Variants in SGCZ observed in about 807,000 individuals in gnomAD.
The protein encoded by SGCZ is sarcoglycan zeta.
SGCZ carries 40 observed loss-of-function variants against 41.3 expected under a neutral mutation model. The ratio of observed to expected loss-of-function variants is 0.97; its 90% CI spans 0.75 to 1.26. The LOEUF is 1.26. Ranked by LOEUF, SGCZ falls within the 50% of genes most tolerant of loss-of-function variation. The pLI is 0.00. For synonymous variants in SGCZ, 206 were observed against 137.5 expected, an observed-to-expected ratio of 1.50 and a Z score of -3.49; for missense variants, 552 against 369.8, an observed-to-expected ratio of 1.49 and a Z score of -4.04.
At chr8:14,739,565 A>T (rs1799139521) in intron 1 of SGCZ, among the ~76,000 whole-genome samples, 1 of 152,084 alleles carries the variant, frequency 6.6e-6, no homozygotes, top group African/African-American at 2.4e-5. Flanking sequence ...AAGCAAAATT[A>T]TTTATGGTCT....
At chr8:14,999,663 T>TCAG (rs577057664) in intron 1 of SGCZ, among the ~76,000 whole-genome samples, 218 of 152,210 alleles carry the variant, frequency 1.4e-3, no homozygotes, top group African/African-American at 5.1e-3. Context: ...ACAGTCTCTG[T>TCAG]CAGCACATCA....
chr8:14,293,842 T>G (rs1800924684), intron 3 of SGCZ, among the ~76,000 whole-genome samples: 1 of 151,882 alleles, frequency 6.6e-6, no homozygotes, highest in Non-Finnish European at 1.5e-5. Flanking sequence ...CTTTAGAAGA[T>G]CAAAGTAGTA....
chr8:14,921,047 C>A (rs797002452), intron 1 of SGCZ, among the ~76,000 whole-genome samples: 1 of 152,110 alleles, frequency 6.6e-6, no homozygotes, highest in African/African-American at 2.4e-5. Flanking sequence ...GTAAAAAGGT[C>A]CAACCCTTTT....
intron 2 of SGCZ, among the ~76,000 whole-genome samples, chr8:14,326,273 G>C (rs932844316): frequency 6.6e-6 from 1 of 151,974 alleles, no homozygotes; most frequent in African/African-American, 2.4e-5. Context: ...CAGGGATGTT[G>C]TGATCAGTAT....
At chr8:14,493,435 C>T (rs575235700) in intron 2 of SGCZ, among the ~76,000 whole-genome samples, 93 of 127,496 alleles carry the variant, frequency 7.3e-4, no homozygotes, top group African/African-American at 2.7e-3. Context: ...GGCATGATCT[C>T]GGCTCACAGC....
At chr8:15,195,971 C>T (rs550990091) in intron 1 of SGCZ, among the ~76,000 whole-genome samples, 2 of 125,392 alleles carry the variant, frequency 1.6e-5, no homozygotes, top group South Asian at 2.6e-4. Flanking sequence ...GATCTTGGCT[C>T]ACTGCAAGCT....
rs550319628 is a variant in SGCZ, at chr8:14,108,198, C to T, written c.585G>A (p.Thr195=). ...EGAVFGHSVE[T]PHIRAEPSQD... ...GGGATGGCTCTGCTCTGATGTGCGGCGTCTCCACAGAGTGCCCAAATACGG... is the reference window on the plus strand; with the variant it reads ...GGGATGGCTCTGCTCTGATGTGCGGTGTCTCCACAGAGTGCCCAAATACGG... The change falls in exon 6 of 8, where the codon ACG becomes ACA. Residue 195 remains threonine (T), a synonymous_variant. Transcript: ENST00000382080. 3.2e-5 allele frequency: 52 copies of T among 1,614,042 alleles called. No homozygotes were observed. In the South Asian group the frequency reaches 3.8e-4, roughly 12 times the overall value.
In SGCZ at chr8:14,890,573, C is replaced by T. The variant is rs114712867; in HGVS notation, c.40-335647G>A. 6.7e-3 allele frequency among the ~76,000 whole-genome samples: 1,019 copies of T among 152,276 alleles called. 14 individuals are homozygous for T. Among genetic ancestry groups the T allele is most frequent in the African/African-American group, 0.023 (954 of 41,552 alleles). ...GTTCATGAGGTTTAAGGAAAGAAACCATCCCCATAACCTGAAAGTGCAAGG... is the reference window on the plus strand; with the variant it reads ...GTTCATGAGGTTTAAGGAAAGAAACTATCCCCATAACCTGAAAGTGCAAGG... On this transcript the variant is annotated intron_variant, in intron 1 of 7. Transcript: ENST00000382080.
At chr8:14,970,520 G>T (rs1035264626) in intron 1 of SGCZ, among the ~76,000 whole-genome samples, 1 of 152,038 alleles carries the variant, frequency 6.6e-6, no homozygotes, top group Non-Finnish European at 1.5e-5. Context: ...TGGACTATTT[G>T]TATATGAATA....
intron 2 of SGCZ, among the ~76,000 whole-genome samples, chr8:14,515,091 C>T (rs917913635): frequency 6.6e-6 from 1 of 151,956 alleles, no homozygotes; most frequent in Non-Finnish European, 1.5e-5. Flanking sequence ...ATAGGCCTTT[C>T]CTCATCCCTC....
chr8:14,110,407 T>C (rs17118667), intron 5 of SGCZ, among the ~76,000 whole-genome samples: 6,152 of 152,246 alleles, frequency 0.04, 381 homozygotes, highest in African/African-American at 0.14. Context: ...GCACAAACTC[T>C]ATCAGTGAAA....
intron 1 of SGCZ, among the ~76,000 whole-genome samples, chr8:15,108,668 T>A (rs1806928106): frequency 6.6e-6 from 1 of 152,128 alleles, no homozygotes; most frequent in Non-Finnish European, 1.5e-5. Context: ...GTGTGACCCA[T>A]CTCTAAACCT....
At chr8:14,497,561 TG>T (rs1333319060) in intron 2 of SGCZ, among the ~76,000 whole-genome samples, 1 of 94,078 alleles carries the variant, frequency 1.1e-5, no homozygotes, top group Non-Finnish European at 2.8e-5. Flanking sequence ...TGTGTGCGTA[TG>T]TGTGTGTGTG....
chr8:15,006,729 G>C (rs1802618147), intron 1 of SGCZ, among the ~76,000 whole-genome samples: 1 of 152,110 alleles, frequency 6.6e-6, no homozygotes, highest in Non-Finnish European at 1.5e-5. Flanking sequence ...AAAAAATCTT[G>C]ACGAGATTAC....
At chr8:15,020,143 A>G (rs1289202712) in intron 1 of SGCZ, among the ~76,000 whole-genome samples, 31 of 152,062 alleles carry the variant, frequency 2.0e-4, no homozygotes, top group Admixed American at 2.0e-3. Flanking sequence ...AAACAAACTG[A>G]AGATCTGAGG....
At chr8:14,144,081 G>T (rs1382652452) in intron 5 of SGCZ, among the ~76,000 whole-genome samples, 2 of 152,116 alleles carry the variant, frequency 1.3e-5, no homozygotes, top group Non-Finnish European at 2.9e-5. Flanking sequence ...CTCTTGGCAA[G>T]TCCTAGTGTT....
chr8:14,183,592 G>T (rs1285430574), intron 4 of SGCZ, among the ~76,000 whole-genome samples: 1 of 152,160 alleles, frequency 6.6e-6, no homozygotes, highest in African/African-American at 2.4e-5. Flanking sequence ...GTTTGAAAGA[G>T]AACACGGAAT....
intron 1 of SGCZ, among the ~76,000 whole-genome samples, chr8:14,807,595 G>T (rs1447427244): frequency 1.3e-5 from 2 of 151,712 alleles, no homozygotes; most frequent in African/African-American, 2.4e-5. Context: ...ACAAACAAAT[G>T]GAAGAACATT....
At chr8:14,258,985 C>T (rs1490369247) in intron 3 of SGCZ, among the ~76,000 whole-genome samples, 1 of 152,152 alleles carries the variant, frequency 6.6e-6, no homozygotes, top group Non-Finnish European at 1.5e-5. Context: ...AGAAGCTTAA[C>T]CATCATCACA....
Sources: allele counts gnomAD v4.1 joint callset (sites outside exome capture counted in the v4.1 genomes callset), GRCh38; gene constraint gnomAD v4.1.1; transcripts MANE v1.5; gene names NCBI Gene and HGNC (gene_info 2026-07-23, HGNC 2026-07-21).